The following DECR2 variants were observed in gnomAD, a reference collection of about 807,000 sequenced individuals.
The protein encoded by DECR2 is peroxisomal 2,4-dienoyl-CoA reductase [(3E)-enoyl-CoA-producing].
Under a neutral mutation model 29.2 loss-of-function variants are expected in DECR2, and 34 were observed. That is an observed-to-expected ratio of 1.16 (90% confidence interval 0.89 to 1.55). The LOEUF is 1.55. Among genes scored for constraint, DECR2 ranks in the 40% most tolerant of loss-of-function variants. The pLI is 0.00. For synonymous variants in DECR2, 224 were observed against 182.7 expected (o/e 1.23, Z -1.82); for missense variants, 485 against 425.3 (o/e 1.14, Z -1.23).
Position 410,003 on chromosome 16 carries a change from C to A in DECR2, c.338-240C>A. The A allele has an allele frequency of 1.9e-6, 1 of 537,860 alleles. No homozygotes were observed. Among genetic ancestry groups the A allele is most frequent in the Non-Finnish European group, 3.3e-6 (1 of 304,822 alleles). 33.3% of individuals were successfully genotyped at this position (537,860 alleles called of 1,614,324 possible). A position where few individuals can be genotyped will look rare whatever the true frequency, so the allele number is the denominator to read the frequency against. On this transcript the variant is annotated intron_variant, in intron 4 of 8. Transcript: ENST00000219481. The surrounding 1 kb of genome is among the most constrained non-coding windows in gnomAD (Gnocchi z 4.1). ...AACCCACCCCATTTCCAAACAAGGC[C>A]ACAGTCGCAGGTACGGAGCCAGGGC...
At position 402,618 on chromosome 16, in the gene DECR2, C is replaced by T. The variant is rs77003990; in HGVS notation, c.80+575C>T. ...TCCCCGGTCACCTGCCCTCACTCGGCTAATGGGCGGATCCTTTTTTTTTTT... is the reference window on the plus strand; with the variant it reads ...TCCCCGGTCACCTGCCCTCACTCGGTTAATGGGCGGATCCTTTTTTTTTTT... On this transcript the variant is annotated intron_variant, in intron 1 of 8. Transcript: ENST00000219481. 8.5e-3 allele frequency among the ~76,000 whole-genome samples: 1,291 copies of T among 151,952 alleles called. 15 individuals carry two copies. The highest frequency in any genetic ancestry group is 0.021 in the African/African-American group (858 of 41,442).
At chr16:406,219 C>G in intron 2 of DECR2, 127 bp from the exon 3 acceptor site, 1 of 911,460 alleles carries the variant, frequency 1.1e-6, no homozygotes, top group South Asian at 1.6e-5. Context: ...CCCCTGTGCC[C>G]TCTGCCAGCT....
chr16:402,317 A>G (rs2054677089), intron 1 of DECR2, among the ~76,000 whole-genome samples: 1 of 151,720 alleles, frequency 6.6e-6, no homozygotes, highest in African/African-American at 2.4e-5. Flanking sequence ...TATTTTTAGT[A>G]GAGAGGGGGT....
At chr16:408,834 CT>C (rs11418835) in intron 4 of DECR2, among the ~76,000 whole-genome samples, 269 of 140,408 alleles carry the variant, frequency 1.9e-3, no homozygotes, top group African/African-American at 1.8e-3. Context: ...CCTGGCCTAG[CT>C]TTTTTTTTTT....
intron 3 of DECR2, chr16:407,149 C>G (rs1265115476): frequency 1.7e-5 from 21 of 1,257,302 alleles, no homozygotes; most frequent in Non-Finnish European, 2.1e-5. Context: ...CACCTCTGGT[C>G]TGCAGCAGGG....
At chr16:404,853 C>T (rs1945601715) in intron 1 of DECR2, 103 bp from the exon 2 acceptor site, 3 of 1,087,084 alleles carry the variant, frequency 2.8e-6, no homozygotes, top group Non-Finnish European at 4.2e-6. Context: ...TGGTCTCGAT[C>T]TCCTGACCTT....
Position 410,152 on chromosome 16 carries a change from C to T in DECR2, c.338-91C>T. On this transcript the variant is annotated intron_variant, in intron 4 of 8. Coordinates refer to ENST00000219481, the MANE Select transcript of DECR2 (RefSeq NM_020664.4). This position sits in a 1 kb window ranked among gnomAD's most constrained non-coding sequence, Gnocchi z 4.1. Reference sequence around the variant, plus strand: ...GTGCCACAGGGCACCTGGGCTCCCTCCTGCACCCTCCGCTCTGCCCACCTG... The same window carrying T: ...GTGCCACAGGGCACCTGGGCTCCCTTCTGCACCCTCCGCTCTGCCCACCTG... The T allele has an allele frequency of 6.5e-7, 1 of 1,532,878 alleles. No individual in the cohort carries two copies. The highest frequency in any genetic ancestry group is 1.2e-5 in the South Asian group (1 of 82,420). The allele number at this position is 1,532,878 out of a possible 1,614,324, so 95.0% of individuals were successfully genotyped here. A position where few individuals can be genotyped will look rare whatever the true frequency, so the allele number is the denominator to read the frequency against.
At chr16:411,852 C>T (rs1046535774) in intron 8 of DECR2, 38 bp from the exon 9 acceptor site, 13 of 436,474 alleles carry the variant, frequency 3.0e-5, no homozygotes, top group South Asian at 4.7e-5. Context: ...AGGGGGAAGC[C>T]GTCCTCAGCC....
Position 411,018 on chromosome 16 carries a change from C to A in DECR2, c.603C>A (p.Ile201=). The A allele has an allele frequency of 1.2e-6, 2 of 1,602,168 alleles. No homozygotes were observed. Among genetic ancestry groups the A allele is most frequent in the Non-Finnish European group, 1.7e-6 (2 of 1,175,048 alleles). The change falls in exon 7 of 9, where the codon ATC becomes ATA. Residue 201 remains isoleucine, a synonymous_variant. Transcript: ENST00000219481. ...CTGTGGAGTGGGGTCCCCAAAACATCCGCGTCAACAGCCTCGCCCCTGGCC... is the reference window on the plus strand; with the variant it reads ...CTGTGGAGTGGGGTCCCCAAAACATACGCGTCAACAGCCTCGCCCCTGGCC... ...HLAVEWGPQN[I]RVNSLAPGPI...
chr16:402,179 CTT>C (rs541347056), intron 1 of DECR2, 136 bp downstream of exon 1: 1,192 of 539,106 alleles, frequency 2.2e-3, no homozygotes, highest in South Asian at 4.7e-3. Flanking sequence ...TTTTTTCTTT[CTT>C]TTTTTTTTTT....
rs563370937 is a variant in DECR2, at chr16:411,444, G to A, written c.745G>A (p.Val249Met). ...GAACAAGACCGAGATCGCCCACAGC[G>A]TGCTCTACCTGGCCAGCCCTCTGGC... ...LGNKTEIAHSVLYLASPLASY... is the reference protein window; with the variant it reads ...LGNKTEIAHSMLYLASPLASY... The change falls in exon 8 of 9, where the codon GTG (valine) becomes ATG (methionine). Residue 249 changes from valine to methionine, a missense_variant. Transcript: ENST00000219481. 43 of 1,613,714 alleles carry A rather than the reference G, an allele frequency of 2.7e-5. No homozygotes were observed. The highest frequency in any genetic ancestry group is 2.6e-4 in the South Asian group (24 of 91,082).
intron 4 of DECR2, among the ~76,000 whole-genome samples, chr16:407,926 C>G: frequency 1.6e-5 from 1 of 64,398 alleles, no homozygotes; most frequent in African/African-American, 6.3e-5. Context: ...GCCCCATCTC[C>G]GGCCCCCTGT....
At position 410,117 on chromosome 16, in the gene DECR2, T is replaced by A; in HGVS notation, c.338-126T>A. ...TTTGGAATTTATCCTAGGGCATGGGTCTCCTCCCTGTGCCACAGGGCACCT... is the reference window on the plus strand; with the variant it reads ...TTTGGAATTTATCCTAGGGCATGGGACTCCTCCCTGTGCCACAGGGCACCT... On this transcript the variant is annotated intron_variant, in intron 4 of 8. Coordinates refer to ENST00000219481, the MANE Select transcript of DECR2 (RefSeq NM_020664.4). This position sits in a 1 kb window ranked among gnomAD's most constrained non-coding sequence, Gnocchi z 4.1. 7.4e-7 allele frequency: 1 copy of A among 1,356,670 alleles called. No homozygotes were observed. Among genetic ancestry groups the A allele is most frequent in the Non-Finnish European group, 9.9e-7 (1 of 1,006,488 alleles). 84.0% of individuals were successfully genotyped at this position (1,356,670 alleles called of 1,614,324 possible). A position where few individuals can be genotyped will look rare whatever the true frequency, so the allele number is the denominator to read the frequency against.
intron 2 of DECR2, 50 bp downstream of exon 2, chr16:405,074 G>A: frequency 6.2e-7 from 1 of 1,608,086 alleles, no homozygotes; most frequent in East Asian, 2.2e-5. Flanking sequence ...CCCTGCCCGG[G>A]CCCTGCTGGA....
chr16:402,069 C>T (rs1597193411), intron 1 of DECR2, 26 bp downstream of exon 1: 1 of 1,344,360 alleles, frequency 7.4e-7, no homozygotes, highest in South Asian at 1.8e-5. Context: ...GAAGCGAGCG[C>T]AGCCTTGGTG....
At chr16:411,195 T>G (rs1443097312) in intron 7 of DECR2, 119 bp downstream of exon 7, 3 of 1,206,766 alleles carry the variant, frequency 2.5e-6, no homozygotes, top group African/African-American at 1.5e-5. Context: ...GGTTCCATGG[T>G]GGCAACTATG....
At chr16:405,669 A>AT (rs1424556422) in intron 2 of DECR2, 1 of 1,226,156 alleles carries the variant, frequency 8.2e-7, no homozygotes, top group South Asian at 1.3e-5. Flanking sequence ...GTGTCAGGTG[A>AT]TTTTACCAGG....
At position 407,493 on chromosome 16, in the gene DECR2, C is replaced by G; in HGVS notation, c.270C>G (p.Pro90=). The stretch of plus-strand genomic sequence containing the variant: ...CTCTCTCTATGGACGTCCGAGCGCC[C>G]CCAGCTGTCATGGCCGCCGTGGACC... ...CLPLSMDVRA[P]PAVMAAVDQA... Residue 90 remains proline (P), a synonymous_variant, in exon 4 of 9, where the codon CCC becomes CCG. Coordinates refer to ENST00000219481, the MANE Select transcript of DECR2 (RefSeq NM_020664.4). 1 of 1,613,950 alleles carries G rather than the reference C, an allele frequency of 6.2e-7. No homozygotes were observed. The highest frequency in any genetic ancestry group is 8.5e-7 in the Non-Finnish European group (1 of 1,179,948).
rs2054735226 is a variant in DECR2, at chr16:407,177, G to A, written c.202-248G>A. 8 of 1,319,998 alleles carry A rather than the reference G, an allele frequency of 6.1e-6. No individual in the cohort carries two copies. In the South Asian group the frequency reaches 1.4e-4, roughly 24 times the overall value. The allele number at this position is 1,319,998 out of a possible 1,614,324, so 81.8% of individuals were successfully genotyped here. On this transcript the variant is annotated intron_variant, in intron 3 of 8. Coordinates refer to ENST00000219481, the MANE Select transcript of DECR2 (RefSeq NM_020664.4). ...CAGCAGGGGCAGGACATGGGTGACA[G>A]TGGCCTGGAGGGCGACGCAGAGGGA...
Sources: gnomAD v4.1 joint callset for allele counts (sites outside exome capture counted in the v4.1 genomes callset) on GRCh38, gnomAD v4.1.1 for gene constraint, Gnocchi (gnomAD v3.1) non-coding constraint, MANE v1.5 for transcripts, NCBI Gene and HGNC (gene_info 2026-07-23, HGNC 2026-07-21) for gene names.